Variants in ZNF555 observed in about 807,000 individuals in gnomAD.
The protein encoded by ZNF555 is zinc finger protein 555.
In ZNF555, 10 loss-of-function variants were observed where a neutral mutation model predicts 14.0. That is an observed-to-expected ratio of 0.72 (90% CI 0.44 to 1.21). The LOEUF is 1.21. ZNF555 is among the 50% of genes most tolerant of loss of function. The pLI, the probability that ZNF555 is intolerant of heterozygous loss-of-function variation, is 0.00. For missense variants in ZNF555, 747 were observed against 762.0 expected, an observed-to-expected ratio of 0.98 and a Z score of 0.23; for synonymous variants, 277 against 262.4, an observed-to-expected ratio of 1.06 and a Z score of -0.54.
Position 2,851,643 on chromosome 19 carries a change from A to T in ZNF555, c.306A>T (p.Arg102Ser). 6.3e-7 allele frequency: 1 copy of T among 1,578,928 alleles called. No homozygotes were observed. The highest frequency in any genetic ancestry group is 8.6e-7 in the Non-Finnish European group (1 of 1,166,572). The change falls in exon 3 of 4, where the codon AGA becomes AGT. Residue 102 changes from arginine to serine, a missense_variant. Coordinates refer to ENST00000334241, the MANE Select transcript of ZNF555 (RefSeq NM_152791.5). Reference sequence around the variant, plus strand: ...AAGATCAAACCACAAACCAGGGGAGAAATCTCAGGTGAGTTGCACTCACAA... The same window carrying T: ...AAGATCAAACCACAAACCAGGGGAGTAATCTCAGGTGAGTTGCACTCACAA... ...SIEDQTTNQG[R>S]NLSRNHGLER...
chr19:2,855,032 T>C lies in ZNF555; in HGVS notation c.*1080T>C, dbSNP rs2087672174. 1 of 152,170 alleles carries C rather than the reference T, an allele frequency of 6.6e-6. No individual in the cohort carries two copies. Among genetic ancestry groups the C allele is most frequent in the Non-Finnish European group, 1.5e-5 (1 of 68,026 alleles). 9.4% of individuals were successfully genotyped at this position (152,170 alleles called of 1,614,324 possible). The stretch of plus-strand genomic sequence containing the variant: ...CCTGATTCCACCACGAAAGCCACAG[T>C]GTTGCAGTCAAAGAAGAAAAACAAC... On this transcript the variant is annotated 3_prime_UTR_variant, in exon 4 of 4. Transcript: ENST00000334241.
Position 2,853,405 on chromosome 19 carries a change from C to G in ZNF555, c.1340C>G (p.Thr447Ser). 6.2e-7 allele frequency: 1 copy of G among 1,614,096 alleles called. No homozygotes were observed. The highest frequency in any genetic ancestry group is 1.1e-5 in the South Asian group (1 of 91,084). ...TTACGAAAACATATGAGAACACATA[C>G]TAGAGAGAAACCCTATGAATGTAAG... is the stretch of plus-strand genomic sequence containing the variant. ...ISLRKHMRTH[T>S]REKPYECKQC... is the part of the protein sequence containing the mutation. The change falls in exon 4 of 4, where the codon ACT becomes AGT. Residue 447 changes from threonine (T) to serine (S), a missense_variant. Thr to Ser is a moderately conservative substitution (Grantham distance 58, BLOSUM62 1). Coordinates refer to ENST00000334241, the MANE Select transcript of ZNF555 (RefSeq NM_152791.5).
intron 1 of ZNF555, among the ~76,000 whole-genome samples, chr19:2,842,843 G>A (rs1240628144): frequency 6.6e-6 from 1 of 152,178 alleles, no homozygotes; most frequent in African/African-American, 2.4e-5. Flanking sequence ...AGGAGTTGGG[G>A]ACCAGCCTGG....
Position 2,853,002 on chromosome 19 carries a change from A to C in ZNF555, c.937A>C (p.Lys313Gln), listed in dbSNP as rs2087646828. The change falls in exon 4 of 4, where the codon AAA becomes CAA. Residue 313 changes from lysine to glutamine, a missense_variant. By Grantham distance (53) the Lys-to-Gln change is moderately conservative. Coordinates refer to ENST00000334241, the MANE Select transcript of ZNF555 (RefSeq NM_152791.5). Reference sequence around the variant, plus strand: ...TTCACACACTGGAGAGAAGCCACATAAATGTAAAGAATGTGGGGAGGCCTT... The same window carrying C: ...TTCACACACTGGAGAGAAGCCACATCAATGTAAAGAATGTGGGGAGGCCTT... ...MISHTGEKPH[K>Q]CKECGEAFSY... 1 of 1,613,742 alleles carries C rather than the reference A, an allele frequency of 6.2e-7. No homozygotes were observed. The highest frequency in any genetic ancestry group is 1.3e-5 in the African/African-American group (1 of 74,822).
intron 3 of ZNF555, among the ~76,000 whole-genome samples, chr19:2,852,115 TCCAGCCTGGGTAACA>T (rs2087634875): frequency 6.6e-6 from 1 of 150,456 alleles, no homozygotes; most frequent in Non-Finnish European, 1.5e-5. Context: ...ACCACTGCAC[TCCAGCCTGGGTAACA>T]GAGTAAGACT....
chr19:2,851,954 C>G (rs929297129), intron 3 of ZNF555, among the ~76,000 whole-genome samples: 1 of 152,088 alleles, frequency 6.6e-6, no homozygotes, highest in African/African-American at 2.4e-5. Context: ...AGTTCGAGAC[C>G]AGCCTGGCCA....
chr19:2,845,605 C>G (rs1397429139), intron 1 of ZNF555, among the ~76,000 whole-genome samples: 1 of 152,204 alleles, frequency 6.6e-6, no homozygotes, highest in Non-Finnish European at 1.5e-5. Flanking sequence ...CCTTTCACAG[C>G]CCTGCCAACA....
chr19:2,853,492 A>G lies in ZNF555; in HGVS notation c.1427A>G (p.Glu476Gly). 6.2e-7 allele frequency: 1 copy of G among 1,614,046 alleles called. No individual in the cohort carries two copies. Among genetic ancestry groups the G allele is most frequent in the East Asian group, 2.2e-5 (1 of 44,880 alleles). ...CGAGAACATGTGAGAATGCACCCTG[A>G]AGACAAATCCTATGAATGCAAGCTA... Reference protein sequence around the residue: ...CFREHVRMHPEDKSYECKLCG... With the variant: ...CFREHVRMHPGDKSYECKLCG... Residue 476 changes from glutamate (E) to glycine (G), a missense_variant, in exon 4 of 4, where the codon GAA becomes GGA. Glu to Gly is a moderately conservative substitution (Grantham distance 98, BLOSUM62 -2). Coordinates refer to ENST00000334241, the MANE Select transcript of ZNF555 (RefSeq NM_152791.5).
In ZNF555 at chr19:2,859,265, G is replaced by C; in HGVS notation, c.*5313G>C. ...CGACTCTAGGAAGTGGAGACATCAA[G>C]AGTGGTACTGGAAGTGGCGGAAGCT... On this transcript the variant is annotated 3_prime_UTR_variant, in exon 4 of 4. Coordinates refer to ENST00000334241, the MANE Select transcript of ZNF555 (RefSeq NM_152791.5). 1 of 152,402 alleles carries C rather than the reference G, an allele frequency of 6.6e-6. No individual in the cohort carries two copies. Among genetic ancestry groups the C allele is most frequent in the South Asian group, 2.1e-4 (1 of 4,834 alleles). 9.4% of individuals were successfully genotyped at this position (152,402 alleles called of 1,614,324 possible). A position where few individuals can be genotyped will look rare whatever the true frequency, so the allele number is the denominator to read the frequency against.
Position 2,854,962 on chromosome 19 carries a change from A to G in ZNF555, c.*1010A>G, listed in dbSNP as rs1222272250. Reference sequence around the variant, plus strand: ...CATATTTGCATGGGGTCTAATTTATATAGTGAACACCTTGTTATCTTAATA... The same window carrying G: ...CATATTTGCATGGGGTCTAATTTATGTAGTGAACACCTTGTTATCTTAATA... On this transcript the variant is annotated 3_prime_UTR_variant, in exon 4 of 4. Coordinates refer to ENST00000334241, the MANE Select transcript of ZNF555 (RefSeq NM_152791.5). The G allele has an allele frequency of 6.6e-6, 1 of 152,192 alleles. No individual in the cohort carries two copies. The highest frequency in any genetic ancestry group is 1.5e-5 in the Non-Finnish European group (1 of 68,036). 9.4% of individuals were successfully genotyped at this position (152,192 alleles called of 1,614,324 possible). A position where few individuals can be genotyped will look rare whatever the true frequency, so the allele number is the denominator to read the frequency against.
Position 2,841,496 on chromosome 19 carries a change from C to T in ZNF555, c.-77C>T. ...CTCTGTCCTAGCCGTGAGTGCCCCG[C>T]CTGCCCCTAGCGGTCCCTGGCGTCC... On this transcript the variant is annotated 5_prime_UTR_variant, in exon 1 of 4. Coordinates refer to ENST00000334241, the MANE Select transcript of ZNF555 (RefSeq NM_152791.5). The T allele has an allele frequency of 1.9e-6, 3 of 1,543,256 alleles. No individual in the cohort carries two copies. Among genetic ancestry groups the T allele is most frequent in the Non-Finnish European group, 2.6e-6 (3 of 1,143,066 alleles).
intron 1 of ZNF555, among the ~76,000 whole-genome samples, chr19:2,845,568 A>G (rs2087575453): frequency 1.3e-5 from 2 of 152,196 alleles, no homozygotes; most frequent in South Asian, 2.1e-4. Context: ...ACTAACTTAC[A>G]TTCCCTCCAA....
In ZNF555 at chr19:2,852,535, C is replaced by A; in HGVS notation, c.470C>A (p.Thr157Lys). ...GGAAAAGTCTTCATGCATCGCCGCA[C>A]ATCCCTCAAGAGTCCCATCACAGTT... ...TYGKVFMHRR[T>K]SLKSPITVHT... The change falls in exon 4 of 4, where the codon ACA becomes AAA. Residue 157 changes from threonine to lysine, a missense_variant. Physicochemically the swap from Thr to Lys is moderately conservative, Grantham distance 78 (BLOSUM62 -1). Coordinates refer to ENST00000334241, the MANE Select transcript of ZNF555 (RefSeq NM_152791.5). The A allele has an allele frequency of 6.2e-7, 1 of 1,614,088 alleles. No homozygotes were observed. The highest frequency in any genetic ancestry group is 1.1e-5 in the South Asian group (1 of 91,082).
intron 1 of ZNF555, among the ~76,000 whole-genome samples, chr19:2,845,741 A>G (rs2144845448): frequency 6.6e-6 from 1 of 152,300 alleles, no homozygotes; most frequent in Admixed American, 6.5e-5. Flanking sequence ...TGCTTGGACC[A>G]CAAAGGTCTT....
At chr19:2,848,649 T>C (rs2087602969) in intron 1 of ZNF555, among the ~76,000 whole-genome samples, 1 of 152,044 alleles carries the variant, frequency 6.6e-6, no homozygotes, top group Non-Finnish European at 1.5e-5. Flanking sequence ...GGTTTCACCA[T>C]GTTGGCCAGG....
chr19:2,843,636 G>A (rs975062315), intron 1 of ZNF555, among the ~76,000 whole-genome samples: 5 of 152,114 alleles, frequency 3.3e-5, no homozygotes, highest in African/African-American at 1.2e-4. Flanking sequence ...AATTTTTGAC[G>A]GTGGATGATT....
In ZNF555 at chr19:2,852,701, T is replaced by C. The variant is rs749993370; in HGVS notation, c.636T>C (p.Thr212=). 1 of 1,614,160 alleles carries C rather than the reference T, an allele frequency of 6.2e-7. No individual in the cohort carries two copies. Among genetic ancestry groups the C allele is most frequent in the South Asian group, 1.1e-5 (1 of 91,090 alleles). Residue 212 remains threonine, a synonymous_variant, in exon 4 of 4, where the codon ACT becomes ACC. Transcript: ENST00000334241. ...CKLCGKTFPR[T]SSLNRHVRIH... ...TATGTGGGAAAACCTTTCCTCGTAC[T>C]TCCTCCCTCAATCGGCATGTAAGGA... is the stretch of plus-strand genomic sequence containing the variant.
At chr19:2,845,455 C>A (rs1351583291) in intron 1 of ZNF555, among the ~76,000 whole-genome samples, 2 of 152,104 alleles carry the variant, frequency 1.3e-5, no homozygotes, top group Non-Finnish European at 2.9e-5. Flanking sequence ...AGAATGATTT[C>A]TTTTCCTTTG....
rs773065723 is a variant in ZNF555 at position 2,852,363 on chromosome 19, A to C, written c.315-17A>C. The C allele has an allele frequency of 6.2e-7, 1 of 1,613,512 alleles. No individual in the cohort carries two copies. The highest frequency in any genetic ancestry group is 8.5e-7 in the Non-Finnish European group (1 of 1,179,930). On this transcript the variant is annotated splice_polypyrimidine_tract_variant and intron_variant, in intron 3 of 3. Coordinates refer to ENST00000334241, the MANE Select transcript of ZNF555 (RefSeq NM_152791.5). ...AATCATTATTAATCAAACCAATAAC[A>C]TGCTTCTCATTTTTAGTAGAAATCA... is the stretch of plus-strand genomic sequence containing the variant.
Sources: gnomAD v4.1 joint callset for allele counts (sites outside exome capture counted in the v4.1 genomes callset) on GRCh38, gnomAD v4.1.1 for gene constraint, MANE v1.5 for transcripts, NCBI Gene and HGNC (gene_info 2026-07-23, HGNC 2026-07-21) for gene names.